The following ZC3H12B variants were observed in gnomAD, a reference collection of about 807,000 sequenced individuals.
The protein encoded by ZC3H12B is zinc finger CCCH-type containing 12B.
In ZC3H12B, 7 loss-of-function variants were observed where a neutral mutation model predicts 43.9. The observed-to-expected ratio is 0.16, with a 90% CI of 0.09 to 0.30. The LOEUF (loss-of-function observed/expected upper bound fraction) is 0.30, where lower values mean the gene tolerates loss of function less well. Ranked by LOEUF, ZC3H12B falls within the 10% of genes least tolerant of loss-of-function variation. ZC3H12B has a pLI of 1.00. For synonymous variants in ZC3H12B, 222 were observed against 241.7 expected, an observed-to-expected ratio of 0.92 and a Z score of 0.76; for missense variants, 475 against 670.2, an observed-to-expected ratio of 0.71 and a Z score of 3.22.
chrX:65,115,517 C>A, the ZC3H12B span, among the ~76,000 whole-genome samples: 1 of 111,328 alleles, frequency 9.0e-6, no homozygotes, highest in African/African-American at 3.3e-5. Context: ...TATAAACATG[C>A]ATGTGCAAGT....
At chrX:65,148,135 C>T in the ZC3H12B span, among the ~76,000 whole-genome samples, 6 of 110,937 alleles carry the variant, frequency 5.4e-5, no homozygotes, top group East Asian at 5.8e-4. Context: ...TTGGGCAGTC[C>T]GGGGACTTAT....
the ZC3H12B span, among the ~76,000 whole-genome samples, chrX:65,337,153 C>A: frequency 4.9e-4 from 54 of 111,291 alleles, 1 homozygote; most frequent in African/African-American, 1.7e-3. Context: ...TAACCCAATC[C>A]CATTCTTTAC....
At chrX:65,255,428 T>C in the ZC3H12B span, among the ~76,000 whole-genome samples, 24 of 111,858 alleles carry the variant, frequency 2.1e-4, no homozygotes, top group Non-Finnish European at 3.6e-4. Context: ...AGAATTCATA[T>C]CCTGCCAGAC....
the ZC3H12B span, among the ~76,000 whole-genome samples, chrX:65,238,953 C>A: frequency 1.8e-5 from 2 of 111,617 alleles, no homozygotes; most frequent in Admixed American, 9.5e-5. Flanking sequence ...GAAAGACTTT[C>A]TTATGATGTC....
intron 2 of ZC3H12B, among the ~76,000 whole-genome samples, chrX:65,377,181 G>T (rs73516252): frequency 0.082 from 8,803 of 107,314 alleles, 1,015 homozygotes; most frequent in African/African-American, 0.29. Context: ...CAAATTAGTG[G>T]ACTTGAAGGT....
At chrX:65,204,434 T>A in the ZC3H12B span, among the ~76,000 whole-genome samples, 1 of 112,133 alleles carries the variant, frequency 8.9e-6, no homozygotes. Flanking sequence ...AAAATGCCTG[T>A]CATTTTTCAA....
At chrX:65,057,834 G>C in the ZC3H12B span, among the ~76,000 whole-genome samples, 4 of 111,143 alleles carry the variant, frequency 3.6e-5, no homozygotes, top group African/African-American at 6.5e-5. Flanking sequence ...TCATTCATTT[G>C]ATCTTCCATC....
At chrX:65,224,232 G>A in the ZC3H12B span, among the ~76,000 whole-genome samples, 4 of 112,717 alleles carry the variant, frequency 3.5e-5, no homozygotes, top group South Asian at 3.6e-4. Flanking sequence ...GTTCTCATAA[G>A]GGAGAGCTAA....
At chrX:65,335,283 T>A in the ZC3H12B span, among the ~76,000 whole-genome samples, 420 of 111,425 alleles carry the variant, frequency 3.8e-3, no homozygotes, top group African/African-American at 0.013. Flanking sequence ...AGTCCCAGGC[T>A]GTTAGAGCTC....
chrX:65,117,821 C>G, the ZC3H12B span, among the ~76,000 whole-genome samples: 1 of 111,911 alleles, frequency 8.9e-6, no homozygotes, highest in Non-Finnish European at 1.9e-5. Context: ...AACAGGGAAT[C>G]CTTTCCCCAT....
At chrX:65,352,336 A>T in the ZC3H12B span, among the ~76,000 whole-genome samples, 4 of 111,351 alleles carry the variant, frequency 3.6e-5, no homozygotes. Flanking sequence ...AGGCTAGGGG[A>T]AGGATAACAT....
chrX:65,377,782 G>T (rs888199445), intron 2 of ZC3H12B, among the ~76,000 whole-genome samples: 2 of 111,695 alleles, frequency 1.8e-5, no homozygotes, highest in Non-Finnish European at 3.8e-5. Context: ...CAATCAGAAA[G>T]AAAGTACGTT....
At chrX:65,236,786 C>T in the ZC3H12B span, among the ~76,000 whole-genome samples, 1 of 112,170 alleles carries the variant, frequency 8.9e-6, no homozygotes, top group African/African-American at 3.2e-5. Flanking sequence ...TCTCCCAACA[C>T]TATTTATTAA....
chrX:65,443,096 G>C (rs949030910), intron 3 of ZC3H12B, among the ~76,000 whole-genome samples: 1 of 111,568 alleles, frequency 9.0e-6, no homozygotes, highest in Non-Finnish European at 1.9e-5. Flanking sequence ...AACATGCTCT[G>C]TAACCTCTTC....
At chrX:65,122,901 T>C in the ZC3H12B span, among the ~76,000 whole-genome samples, 1 of 111,600 alleles carries the variant, frequency 9.0e-6, no homozygotes, top group Non-Finnish European at 1.9e-5. Context: ...CTTAGAGACC[T>C]ACAAAGAGAC....
chrX:65,396,116 A>G (rs1015974697), intron 2 of ZC3H12B, among the ~76,000 whole-genome samples: 5 of 110,998 alleles, frequency 4.5e-5, no homozygotes, highest in Non-Finnish European at 9.4e-5. Context: ...TATTTTGTTA[A>G]TCTTTTCAAA....
chrX:65,379,362 G>C (rs986088627), intron 2 of ZC3H12B, among the ~76,000 whole-genome samples: 11 of 110,141 alleles, frequency 1.0e-4, no homozygotes, highest in Non-Finnish European at 1.1e-4. Flanking sequence ...CACCTCACAC[G>C]GCCGGGTACT....
chrX:65,344,246 C>A, the ZC3H12B span, among the ~76,000 whole-genome samples: 151 of 112,028 alleles, frequency 1.3e-3, no homozygotes, highest in Non-Finnish European at 2.1e-3. Context: ...GTTAAAATGG[C>A]CACAGTGCCC....
the ZC3H12B span, among the ~76,000 whole-genome samples, chrX:65,255,443 C>T: frequency 8.9e-6 from 1 of 111,939 alleles, no homozygotes; most frequent in African/African-American, 3.3e-5. Flanking sequence ...CCAGACTAAG[C>T]TTCATAAATG....
Sources: gnomAD v4.1 joint callset for allele counts (sites outside exome capture counted in the v4.1 genomes callset) on GRCh38, gnomAD v4.1.1 for gene constraint, MANE v1.5 for transcripts, NCBI Gene and HGNC (gene_info 2026-07-23, HGNC 2026-07-21) for gene names.